The following PCDH15 variants were observed in gnomAD, a reference collection of about 807,000 sequenced individuals.
PCDH15 encodes the protein protocadherin-15.
In PCDH15, 129 loss-of-function variants were observed where a neutral mutation model predicts 178.5. That is an observed-to-expected ratio of 0.72 (90% CI 0.63 to 0.84). The LOEUF is 0.84. Ranked by LOEUF, PCDH15 falls within the 40% of genes least tolerant of loss-of-function variation. The pLI, the probability that PCDH15 is intolerant of heterozygous loss-of-function variation, is 0.00. For synonymous variants in PCDH15, 800 were observed against 732.0 expected (o/e 1.09, Z -1.50); for missense variants, 2,230 against 2,099.9 (o/e 1.06, Z -1.21).
intron 8 of PCDH15, among the ~76,000 whole-genome samples, chr10:54,251,948 A>G (rs947887083): frequency 2.6e-5 from 4 of 151,844 alleles, no homozygotes; most frequent in African/African-American, 9.7e-5. Context: ...CTTTTAGTCA[A>G]TCTTATTAAA....
chr10:54,307,104 G>GTGTATA (rs1369260057), intron 8 of PCDH15, among the ~76,000 whole-genome samples: 2 of 26,562 alleles, frequency 7.5e-5, no homozygotes, highest in South Asian at 1.6e-3. Context: ...GTGTGTGTGT[G>GTGTATA]TATATATATA....
chr10:54,294,591 C>A (rs2059627811), intron 8 of PCDH15, among the ~76,000 whole-genome samples: 1 of 152,096 alleles, frequency 6.6e-6, no homozygotes, highest in Admixed American at 6.5e-5. Context: ...CCAAAAGTCA[C>A]CCTGTATAAT....
At chr10:54,994,818 C>A (rs7096888) in intron 2 of PCDH15, among the ~76,000 whole-genome samples, 1 of 147,996 alleles carries the variant, frequency 6.8e-6, no homozygotes, top group African/African-American at 2.5e-5. Flanking sequence ...TTGCTATTTG[C>A]GCTTCTTCTA....
intron 28 of PCDH15, among the ~76,000 whole-genome samples, chr10:53,856,106 T>C (rs1330711184): frequency 1.3e-5 from 2 of 151,108 alleles, no homozygotes; most frequent in African/African-American, 2.4e-5. Context: ...GATGATACAA[T>C]GGAGTTTGGG....
chr10:54,066,696 T>C, intron 18 of PCDH15, 61 bp downstream of exon 18: 2 of 1,533,564 alleles, frequency 1.3e-6, no homozygotes, highest in Non-Finnish European at 1.8e-6. Flanking sequence ...AGAATTAAAA[T>C]GTAATAAACT....
chr10:55,447,451 C>T (rs1839341892), intron 2 of PCDH15, among the ~76,000 whole-genome samples: 1 of 151,708 alleles, frequency 6.6e-6, no homozygotes, highest in Admixed American at 6.6e-5. Flanking sequence ...GGAAATCATT[C>T]AACAAAAAAG....
Position 54,146,935 on chromosome 10 carries a change from A to ATATATATAGTGTATATATATATAG in PCDH15, c.1784+6164_1784+6165insCTATATATATATACACTATATATA, listed in dbSNP as rs1564530464. Among the ~76,000 whole-genome samples the ATATATATAGTGTATATATATATAG allele has an allele frequency of 4.4e-3, 272 of 62,460 alleles. 5 individuals carry two copies. Among genetic ancestry groups the ATATATATAGTGTATATATATATAG allele is most frequent in the African/African-American group, 0.015 (204 of 13,782 alleles). The allele number at this position is 62,460 out of a possible 152,430, so 41.0% of individuals were successfully genotyped here. Reference sequence around the variant, plus strand: ...TATATATATAGTGTATATATATATAATGTATATATATAGTGTATATATATA... The same window carrying ATATATATAGTGTATATATATATAG: ...TATATATATAGTGTATATATATATAATATATATAGTGTATATATATATAGTGTATATATATAGTGTATATATATA... On this transcript the variant is annotated intron_variant, in intron 14 of 37. Transcript: ENST00000644397.
At chr10:55,489,689 C>T (rs1399308321) in intron 2 of PCDH15, among the ~76,000 whole-genome samples, 2 of 151,612 alleles carry the variant, frequency 1.3e-5, no homozygotes, top group African/African-American at 4.8e-5. Flanking sequence ...AGACAGCAAA[C>T]ACATGGTCTT....
At chr10:55,371,227 G>A (rs2131989687) in intron 2 of PCDH15, among the ~76,000 whole-genome samples, 1 of 152,200 alleles carries the variant, frequency 6.6e-6, no homozygotes, top group African/African-American at 2.4e-5. Flanking sequence ...GACTACTACA[G>A]ACTGATTATT....
intron 23 of PCDH15, among the ~76,000 whole-genome samples, chr10:53,950,384 G>C (rs183496215): frequency 2.0e-5 from 3 of 152,040 alleles, no homozygotes; most frequent in Admixed American, 1.3e-4. Flanking sequence ...ACATGAATGT[G>C]ACACTAAATC....
chr10:55,415,739 T>A (rs1838464742), intron 2 of PCDH15, among the ~76,000 whole-genome samples: 1 of 151,670 alleles, frequency 6.6e-6, no homozygotes, highest in South Asian at 2.1e-4. Flanking sequence ...AAAGTACATA[T>A]TTACCTTGAC....
At chr10:55,414,119 T>A (rs1447832628) in intron 2 of PCDH15, among the ~76,000 whole-genome samples, 1 of 151,710 alleles carries the variant, frequency 6.6e-6, no homozygotes, top group African/African-American at 2.4e-5. Context: ...TCACAGTATT[T>A]AATTTTAAAA....
intron 1 of PCDH15, among the ~76,000 whole-genome samples, chr10:55,180,459 G>C (rs1200816124): frequency 6.6e-6 from 1 of 152,072 alleles, no homozygotes; most frequent in East Asian, 1.9e-4. Context: ...TGTAAAAGGG[G>C]AAATAGTTAA....
intron 26 of PCDH15, among the ~76,000 whole-genome samples, chr10:53,870,797 A>G (rs1304299160): frequency 6.6e-6 from 1 of 152,210 alleles, no homozygotes; most frequent in Admixed American, 6.5e-5. Flanking sequence ...TGTTCTTTCT[A>G]TAAAATCAAT....
At chr10:54,562,284 C>A (rs545213858) in intron 2 of PCDH15, among the ~76,000 whole-genome samples, 3 of 152,104 alleles carry the variant, frequency 2.0e-5, no homozygotes, top group African/African-American at 7.2e-5. Flanking sequence ...AGCCACTGTG[C>A]CTGGCCTATC....
intron 2 of PCDH15, among the ~76,000 whole-genome samples, chr10:55,512,628 G>A (rs1371191318): frequency 6.6e-6 from 1 of 151,874 alleles, no homozygotes; most frequent in Non-Finnish European, 1.5e-5. Context: ...AAGAACCTTG[G>A]CACCTTTTGT....
chr10:54,872,646 G>T (rs1051339934), intron 3 of PCDH15, among the ~76,000 whole-genome samples: 1 of 151,928 alleles, frequency 6.6e-6, no homozygotes, highest in Non-Finnish European at 1.5e-5. Context: ...TTGGCTTTAT[G>T]GTAAAGAGGG....
At chr10:55,389,931 A>G (rs183391116) in intron 2 of PCDH15, among the ~76,000 whole-genome samples, 2 of 152,274 alleles carry the variant, frequency 1.3e-5, no homozygotes, top group Admixed American at 1.3e-4. Context: ...AAATTTTAAA[A>G]TATTAAATTG....
intron 1 of PCDH15, among the ~76,000 whole-genome samples, chr10:55,210,904 G>A (rs1478820201): frequency 1.3e-5 from 2 of 151,870 alleles, no homozygotes; most frequent in African/African-American, 4.8e-5. Flanking sequence ...GGGATTACAG[G>A]CGTGAACCAC....
Sources: allele counts gnomAD v4.1 joint callset (sites outside exome capture counted in the v4.1 genomes callset), GRCh38; gene constraint gnomAD v4.1.1; transcripts MANE v1.5; gene names NCBI Gene and HGNC (gene_info 2026-07-23, HGNC 2026-07-21).